Variants in SERPINA1 observed in about 807,000 individuals in gnomAD.
The protein encoded by SERPINA1 is serpin family A member 1.
In SERPINA1, 21 loss-of-function variants were observed where a neutral mutation model predicts 25.4. The observed-to-expected ratio is 0.83, with a 90% confidence interval of 0.59 to 1.19. SERPINA1 has a LOEUF of 1.19. Among genes scored for constraint, SERPINA1 ranks in the 50% most tolerant of loss-of-function variants. The pLI, the probability that SERPINA1 is intolerant of heterozygous loss-of-function variation, is 0.00. For missense variants in SERPINA1, 546 were observed against 509.0 expected, an observed-to-expected ratio of 1.07 and a Z score of -0.70; for synonymous variants, 218 against 211.1, an observed-to-expected ratio of 1.03 and a Z score of -0.29.
chr14:94,378,938 C>T (rs1173383251), intron 4 of SERPINA1, among the ~76,000 whole-genome samples: 2 of 152,238 alleles, frequency 1.3e-5, no homozygotes, highest in African/African-American at 4.8e-5. Context: ...CTTTCTAGTA[C>T]ACGGCTTGAA....
chr14:94,378,110 C>T lies in SERPINA1; in HGVS notation c.*339G>A, dbSNP rs1896495329. ...TCATGGCTGGTATCTGGTTCCTCCC[C>T]TGTGATTCCTTCTTGGGGACTCCAA... is the stretch of plus-strand genomic sequence containing the variant. On this transcript the variant is annotated 3_prime_UTR_variant, in exon 5 of 5. Transcript: ENST00000393087. 1 of 333,772 alleles carries T rather than the reference C, an allele frequency of 3.0e-6. No homozygotes were observed. 20.7% of individuals were successfully genotyped at this position (333,772 alleles called of 1,614,324 possible). A position where few individuals can be genotyped will look rare whatever the true frequency, so the allele number is the denominator to read the frequency against.
In SERPINA1 at chr14:94,377,492, G is replaced by A. The variant is rs1465470976; in HGVS notation, c.*957C>T. On this transcript the variant is annotated 3_prime_UTR_variant, in exon 5 of 5. Transcript: ENST00000393087. ...CAGTCGGGACTCAGAGGAGGAAAGGGAGGGGTTGCGGGGGTCAATGGGTGA... is the reference window on the plus strand; with the variant it reads ...CAGTCGGGACTCAGAGGAGGAAAGGAAGGGGTTGCGGGGGTCAATGGGTGA... 1.3e-5 allele frequency: 2 copies of A among 152,484 alleles called. No homozygotes were observed. The highest frequency in any genetic ancestry group is 2.9e-5 in the Non-Finnish European group (2 of 68,260). The allele number at this position is 152,484 out of a possible 1,614,324, so 9.4% of individuals were successfully genotyped here.
intron 1 of SERPINA1, among the ~76,000 whole-genome samples, chr14:94,386,452 A>C (rs1897292755): frequency 6.6e-6 from 1 of 152,236 alleles, no homozygotes; most frequent in Middle Eastern, 3.4e-3. Context: ...CAATAAATAA[A>C]CCCAAGTGTG....
chr14:94,382,448 T>C (rs1224733199), intron 2 of SERPINA1, 144 bp downstream of exon 2: 3 of 891,606 alleles, frequency 3.4e-6, no homozygotes, highest in Non-Finnish European at 5.3e-6. Context: ...TTTTAGTGTT[T>C]GTGTGTAGAA....
intron 1 of SERPINA1, among the ~76,000 whole-genome samples, chr14:94,386,524 T>C (rs1327004369): frequency 6.6e-6 from 1 of 152,172 alleles, no homozygotes; most frequent in Non-Finnish European, 1.5e-5. Flanking sequence ...CTTTGAGCAC[T>C]AGCTTCATAG....
chr14:94,387,948 G>A (rs1897388521), intron 1 of SERPINA1, among the ~76,000 whole-genome samples: 1 of 152,132 alleles, frequency 6.6e-6, no homozygotes. Context: ...CCTCCACTGG[G>A]ACAGGAGGGC....
upstream of SERPINA1, chr14:94,390,484 A>C (rs958315103): frequency 6.6e-6 from 1 of 152,372 alleles, no homozygotes; most frequent in Non-Finnish European, 1.5e-5. Context: ...AGCTCTCCTC[A>C]AGCTCTGTCT....
In SERPINA1 at chr14:94,380,943, C is replaced by T; in HGVS notation, c.845G>A (p.Gly282Glu). The change falls in exon 3 of 5, where the codon GGG becomes GAG. Residue 282 changes from glycine (G) to glutamate (E), a missense_variant. By Grantham distance (98) the Gly-to-Glu change is moderately conservative. Coordinates refer to ENST00000393087, the MANE Select transcript of SERPINA1 (RefSeq NM_000295.5). The stretch of plus-strand genomic sequence containing the variant: ...TTCATTTTCCAGGTGCTGTAGTTTC[C>T]CCTCATCAGGCAGGAAGAAGATGGC... ...ATAIFFLPDE[G>E]KLQHLENELT... is the part of the protein sequence containing the mutation. 6.2e-7 allele frequency: 1 copy of T among 1,614,134 alleles called. No individual in the cohort carries two copies. Among genetic ancestry groups the T allele is most frequent in the Non-Finnish European group, 8.5e-7 (1 of 1,180,032 alleles).
upstream of SERPINA1, among the ~76,000 whole-genome samples, chr14:94,390,164 CTG>C (rs1237996852): frequency 1.3e-5 from 2 of 152,152 alleles, no homozygotes; most frequent in African/African-American, 4.8e-5. Flanking sequence ...CAGCGGGAAA[CTG>C]AGCTCAGACT....
At position 94,380,945 on chromosome 14, in the gene SERPINA1, C is replaced by T. The variant is rs1300394190; in HGVS notation, c.843G>A (p.Glu281=). The T allele has an allele frequency of 1.1e-5, 17 of 1,614,044 alleles. No homozygotes were observed. Among genetic ancestry groups the T allele is most frequent in the Non-Finnish European group, 1.4e-5 (17 of 1,180,052 alleles). Residue 281 remains glutamate (E), a synonymous_variant, in exon 3 of 5, where the codon GAG becomes GAA. Transcript: ENST00000393087. ...NATAIFFLPD[E]GKLQHLENEL... is the part of the protein sequence containing the mutation. Reference sequence around the variant, plus strand: ...CATTTTCCAGGTGCTGTAGTTTCCCCTCATCAGGCAGGAAGAAGATGGCGG... The same window carrying T: ...CATTTTCCAGGTGCTGTAGTTTCCCTTCATCAGGCAGGAAGAAGATGGCGG...
At chr14:94,386,879 C>A (rs190781153) in intron 1 of SERPINA1, among the ~76,000 whole-genome samples, 2 of 152,156 alleles carry the variant, frequency 1.3e-5, no homozygotes, top group South Asian at 4.1e-4. Context: ...TTACAGGCAC[C>A]GTATCATCTA....
rs368433503 is a variant in SERPINA1 at position 94,382,651 on chromosome 14, A to G, written c.587T>C (p.Leu196Ser). ...TGTGTCTCTGTCAAGCTCCTTGACC[A>G]AATCCACAATTTTCCCTTGAGTACC... ...EKGTQGKIVD[L>S]VKELDRDTVF... Residue 196 changes from leucine (L) to serine (S), a missense_variant, in exon 2 of 5, where the codon TTG becomes TCG. Physicochemically the swap from Leu to Ser is moderately radical, Grantham distance 145. Coordinates refer to ENST00000393087, the MANE Select transcript of SERPINA1 (RefSeq NM_000295.5). 1.8e-5 allele frequency: 29 copies of G among 1,614,148 alleles called. No individual in the cohort carries two copies. The highest frequency in any genetic ancestry group is 1.1e-5 in the South Asian group (1 of 91,092).
chr14:94,383,508 C>T, intron 1 of SERPINA1: 1 of 540,690 alleles, frequency 1.8e-6, no homozygotes, highest in East Asian at 3.0e-5. Context: ...TGCTAATATC[C>T]TTCTTTTACA....
In SERPINA1 at chr14:94,378,003, G is replaced by T; in HGVS notation, c.*446C>A. ...GGCAGCCTTGGGGTGGGCACAGCCAGCCCTGGCAGGATGAGCAACTCTGGG... is the reference window on the plus strand; with the variant it reads ...GGCAGCCTTGGGGTGGGCACAGCCATCCCTGGCAGGATGAGCAACTCTGGG... On this transcript the variant is annotated 3_prime_UTR_variant, in exon 5 of 5. Coordinates refer to ENST00000393087, the MANE Select transcript of SERPINA1 (RefSeq NM_000295.5). 1 of 203,198 alleles carries T rather than the reference G, an allele frequency of 4.9e-6. No homozygotes were observed. The highest frequency in any genetic ancestry group is 1.0e-5 in the Non-Finnish European group (1 of 99,750). The allele number at this position is 203,198 out of a possible 1,614,324, so 12.6% of individuals were successfully genotyped here.
chr14:94,380,852 C>T lies in SERPINA1; in HGVS notation c.917+19G>A, dbSNP rs1896848815. 6.2e-7 allele frequency: 1 copy of T among 1,614,068 alleles called. No homozygotes were observed. Among genetic ancestry groups the T allele is most frequent in the African/African-American group, 1.3e-5 (1 of 74,938 alleles). On this transcript the variant is annotated intron_variant, in intron 3 of 4. Coordinates refer to ENST00000393087, the MANE Select transcript of SERPINA1 (RefSeq NM_000295.5). Reference sequence around the variant, plus strand: ...GAGGTGTGGGCAGCTTCTTGGTCACCCTCAGGTTGGGGAATCACCTTCTGT... The same window carrying T: ...GAGGTGTGGGCAGCTTCTTGGTCACTCTCAGGTTGGGGAATCACCTTCTGT...
upstream of SERPINA1, among the ~76,000 whole-genome samples, chr14:94,390,097 A>T (rs745906099): frequency 2.2e-4 from 34 of 152,036 alleles, no homozygotes; most frequent in Non-Finnish European, 4.0e-4. Context: ...GCTTTCCTCC[A>T]GGCAGTCTCT....
upstream of SERPINA1, chr14:94,388,721 C>G (rs1897466173): frequency 6.6e-6 from 1 of 152,388 alleles, no homozygotes; most frequent in Non-Finnish European, 1.5e-5. Flanking sequence ...GGGGCTAAGT[C>G]CACTGGCTGG....
intron 1 of SERPINA1, chr14:94,384,085 G>A (rs1595617487): frequency 6.6e-6 from 1 of 152,162 alleles, no homozygotes; most frequent in African/African-American, 2.4e-5. Flanking sequence ...TGCTGTCAGG[G>A]GCTTTAGAGA....
At position 94,382,724 on chromosome 14, in the gene SERPINA1, C is replaced by G; in HGVS notation, c.514G>C (p.Gly172Arg). Residue 172 changes from glycine (G) to arginine (R), a missense_variant, in exon 2 of 5, where the codon GGG becomes CGG. Transcript: ENST00000393087. ...YHSEAFTVNFGDTEEAKKQIN... is the reference protein window; with the variant it reads ...YHSEAFTVNFRDTEEAKKQIN... ...TGTTTCTTGGCCTCTTCGGTGTCCC[C>G]GAAGTTGACAGTGAAGGCTTCTGAG... The G allele has an allele frequency of 6.2e-7, 1 of 1,614,258 alleles. No homozygotes were observed.
Sources: allele counts gnomAD v4.1 joint callset (sites outside exome capture counted in the v4.1 genomes callset), GRCh38; gene constraint gnomAD v4.1.1; transcripts MANE v1.5; gene names NCBI Gene and HGNC (gene_info 2026-07-23, HGNC 2026-07-21).